TENM4: variants seen among roughly 807,000 people sequenced by gnomAD.
TENM4 encodes the protein teneurin transmembrane protein 4.
TENM4 carries 82 observed loss-of-function variants against 243.3 expected under a neutral mutation model. The observed-to-expected ratio is 0.34, with a 90% confidence interval of 0.28 to 0.40. TENM4 has a LOEUF of 0.40. TENM4 is among the 10% of genes least tolerant of loss of function. The pLI, the probability that TENM4 is intolerant of heterozygous loss-of-function variation, is 1.00. For synonymous variants in TENM4, 1,412 were observed against 1,456.3 expected, an observed-to-expected ratio of 0.97 and a Z score of 0.69; for missense variants, 3,138 against 3,673.3, an observed-to-expected ratio of 0.85 and a Z score of 3.77.
In TENM4 at chr11:78,669,892, C is replaced by T; in HGVS notation, c.6453G>A (p.Met2151Ile). Residue 2151 changes from methionine to isoleucine, a missense_variant, in exon 32 of 34, where the codon ATG becomes ATA. Physicochemically the swap from Met to Ile is conservative, Grantham distance 10. Around this residue, in one of 2 missense-constraint regions of TENM4, gnomAD observed 2,467 missense variants for 3,059.1 expected, o/e 0.81. Transcript: ENST00000278550. This position sits in a 1 kb window ranked among gnomAD's most constrained non-coding sequence, Gnocchi z 6.4. ...GGAAGATCTCATACTGCACTTCCTTCATCCTGCCATATGCATCAAAATGCT... is the reference window on the plus strand; with the variant it reads ...GGAAGATCTCATACTGCACTTCCTTTATCCTGCCATATGCATCAAAATGCT... Reference protein sequence around the residue: ...HTKHFDAYGRMKEVQYEIFRS... With the variant: ...HTKHFDAYGRIKEVQYEIFRS... The T allele has an allele frequency of 1.2e-6, 2 of 1,613,840 alleles. No homozygotes were observed. Among genetic ancestry groups the T allele is most frequent in the Non-Finnish European group, 1.7e-6 (2 of 1,179,852 alleles).
Position 79,119,230 on chromosome 11 carries a change from T to C in TENM4, c.-66+29480A>G, listed in dbSNP as rs533502329. 1.8e-4 allele frequency among the ~76,000 whole-genome samples: 28 copies of C among 152,210 alleles called. No homozygotes were observed. In the South Asian group the frequency reaches 5.8e-3, roughly 32 times the overall value. ...GGGCCTCCATCCAGGTCTAGAGAAA[T>C]AGAATTACTAGGGATGGGGCCTAGT... On this transcript the variant is annotated intron_variant, in intron 4 of 33. Transcript: ENST00000278550.
Position 78,856,435 on chromosome 11 carries a change from C to A in TENM4, c.1256-257G>T, listed in dbSNP as rs183853780. Among the ~76,000 whole-genome samples, 420 of 152,232 alleles carry A rather than the reference C, an allele frequency of 2.8e-3. 2 individuals carry two copies. The highest frequency in any genetic ancestry group is 4.9e-3 in the Non-Finnish European group (332 of 68,016). The stretch of plus-strand genomic sequence containing the variant: ...CTTCCAAAGCAGTATGGGTCCTCCC[C>A]AAGGGCCATCTGTTTACTGCATAAT... On this transcript the variant is annotated intron_variant, in intron 10 of 33. Coordinates refer to ENST00000278550, the MANE Select transcript of TENM4 (RefSeq NM_001098816.3).
intron 16 of TENM4, among the ~76,000 whole-genome samples, chr11:78,779,115 G>A (rs1370331995): frequency 6.6e-6 from 1 of 152,196 alleles, no homozygotes; most frequent in African/African-American, 2.4e-5. Context: ...TTAGAAATAC[G>A]CAAAATTTGA....
At chr11:79,343,642 G>A (rs1294343555) in intron 1 of TENM4, among the ~76,000 whole-genome samples, 2 of 151,044 alleles carry the variant, frequency 1.3e-5, no homozygotes, top group East Asian at 3.9e-4. Context: ...AGAAAATACA[G>A]TGTAGCTAAG....
chr11:79,183,432 T>C (rs538124178), intron 3 of TENM4, among the ~76,000 whole-genome samples: 60 of 152,340 alleles, frequency 3.9e-4, no homozygotes, highest in Middle Eastern at 3.4e-3. Flanking sequence ...CAGAGGATTT[T>C]TCAGAATAGT....
chr11:78,720,002 T>C (rs879469654), intron 25 of TENM4, among the ~76,000 whole-genome samples: 1 of 152,176 alleles, frequency 6.6e-6, no homozygotes, highest in Non-Finnish European at 1.5e-5. Context: ...GATCAAGATG[T>C]TCTCAGGACT....
chr11:78,803,190 C>T (rs541670594), intron 15 of TENM4, among the ~76,000 whole-genome samples: 6 of 152,124 alleles, frequency 3.9e-5, no homozygotes, highest in South Asian at 4.2e-4. Context: ...TCATTGCGCC[C>T]GGCTAATTTT....
rs1034023954 is a variant in TENM4, at chr11:79,191,308, TG to T, written c.-163+24499del. ...CGCCTGACTGGTTTTCGTGTTTTTT[TG>T]GTGGGGACGGGGTTTCGCTGTGTTG... is the stretch of plus-strand genomic sequence containing the variant. On this transcript the variant is annotated intron_variant, in intron 3 of 33. Transcript: ENST00000278550. Among the ~76,000 whole-genome samples, 29 of 141,684 alleles carry T rather than the reference TG, an allele frequency of 2.0e-4. No homozygotes were observed. In the East Asian group the frequency reaches 6.1e-3, roughly 30 times the overall value. The allele number at this position is 141,684 out of a possible 152,430, so 93.0% of individuals were successfully genotyped here. A position where few individuals can be genotyped will look rare whatever the true frequency, so the allele number is the denominator to read the frequency against.
chr11:79,267,988 A>G (rs1197415002), intron 2 of TENM4, among the ~76,000 whole-genome samples: 2 of 152,184 alleles, frequency 1.3e-5, no homozygotes, highest in Admixed American at 1.3e-4. Flanking sequence ...AGTGCTAGGA[A>G]TCTGCAGTTT....
intron 4 of TENM4, among the ~76,000 whole-genome samples, chr11:79,083,225 A>G (rs942744771): frequency 6.6e-6 from 1 of 152,226 alleles, no homozygotes; most frequent in Admixed American, 6.5e-5. Flanking sequence ...AGATGGGGAC[A>G]GGGATCCAGG....
At chr11:78,966,193 T>TAAAAAAAA (rs34603312) in intron 6 of TENM4, among the ~76,000 whole-genome samples, 8 of 131,582 alleles carry the variant, frequency 6.1e-5, no homozygotes, top group Non-Finnish European at 9.7e-5. Context: ...AAAGGAAAAT[T>TAAAAAAAA]AAAAAAAAAA....
At chr11:79,201,786 G>A (rs146475881) in intron 3 of TENM4, among the ~76,000 whole-genome samples, 1 of 152,276 alleles carries the variant, frequency 6.6e-6, no homozygotes, top group South Asian at 2.1e-4. Context: ...ACCACTGTAG[G>A]GTTTTCAGGT....
chr11:79,260,928 G>A (rs1159174041), intron 2 of TENM4, among the ~76,000 whole-genome samples: 4 of 152,128 alleles, frequency 2.6e-5, no homozygotes, highest in East Asian at 3.9e-4. Flanking sequence ...CTATGAAAAC[G>A]ATGTTTCCTG....
intron 3 of TENM4, among the ~76,000 whole-genome samples, chr11:79,215,497 G>C (rs1466540667): frequency 1.3e-5 from 2 of 151,872 alleles, no homozygotes; most frequent in African/African-American, 4.9e-5. Context: ...AGACCGACAT[G>C]TGACCTCCTT....
At chr11:79,041,888 C>T (rs1859542780) in intron 6 of TENM4, among the ~76,000 whole-genome samples, 1 of 152,168 alleles carries the variant, frequency 6.6e-6, no homozygotes, top group Non-Finnish European at 1.5e-5. Context: ...TCGCAGGGCT[C>T]AGGGTCTGAA....
chr11:79,032,219 T>G (rs1337281013), intron 6 of TENM4, among the ~76,000 whole-genome samples: 3 of 152,132 alleles, frequency 2.0e-5, no homozygotes, highest in Non-Finnish European at 4.4e-5. Context: ...CACAATCCAT[T>G]GTACAGTCCA....
At chr11:79,355,837 CAT>C (rs1053077417) in intron 1 of TENM4, among the ~76,000 whole-genome samples, 1 of 152,168 alleles carries the variant, frequency 6.6e-6, no homozygotes, top group African/African-American at 2.4e-5. Context: ...CACACTGACA[CAT>C]GAGACCACAG....
Position 79,031,101 on chromosome 11 carries a change from C to T in TENM4, c.493+33637G>A, listed in dbSNP as rs527608820. Among the ~76,000 whole-genome samples the T allele has an allele frequency of 6.6e-4, 101 of 152,214 alleles. 2 individuals are homozygous for T. The highest frequency in any genetic ancestry group is 2.2e-3 in the African/African-American group (93 of 41,534). ...GTCTTGTTTTGCTTAATCTTGTATCCGTAGCACCCAGCACAGTGCCTGACA... is the reference window on the plus strand; with the variant it reads ...GTCTTGTTTTGCTTAATCTTGTATCTGTAGCACCCAGCACAGTGCCTGACA... On this transcript the variant is annotated intron_variant, in intron 6 of 33. Transcript: ENST00000278550.
At chr11:79,270,451 G>A (rs1272347178) in intron 2 of TENM4, among the ~76,000 whole-genome samples, 1 of 152,110 alleles carries the variant, frequency 6.6e-6, no homozygotes, top group Non-Finnish European at 1.5e-5. Flanking sequence ...ATTATCTACT[G>A]AAAACTCCTA....
Sources: allele counts gnomAD v4.1 joint callset (sites outside exome capture counted in the v4.1 genomes callset), GRCh38; gene constraint gnomAD v4.1.1; regional missense constraint gnomAD v4.1.1; non-coding constraint Gnocchi (gnomAD v3.1); transcripts MANE v1.5; gene names NCBI Gene and HGNC (gene_info 2026-07-23, HGNC 2026-07-21).